Variants in KCNB2 observed in about 807,000 individuals in gnomAD.
KCNB2 encodes the protein delayed rectifier potassium channel protein.
KCNB2 carries 15 observed loss-of-function variants against 61.5 expected under a neutral mutation model. The observed-to-expected ratio is 0.24, with a 90% CI of 0.16 to 0.38. The LOEUF (loss-of-function observed/expected upper bound fraction) is 0.38, where lower values mean the gene tolerates loss of function less well. KCNB2 is among the 10% of genes least tolerant of loss of function. The pLI is 1.00. For missense variants in KCNB2, 828 were observed against 1,125.2 expected, an observed-to-expected ratio of 0.74 and a Z score of 3.78; for synonymous variants, 457 against 446.0, an observed-to-expected ratio of 1.02 and a Z score of -0.31.
In KCNB2 at chr8:72,884,458, T is replaced by C. The variant is rs1030677427; in HGVS notation, c.580-51477T>C. 3.9e-5 allele frequency among the ~76,000 whole-genome samples: 6 copies of C among 152,304 alleles called. No individual in the cohort carries two copies. The South Asian group carries it at 8.3e-4, about 21-fold the overall frequency. ...TGTTTTACAGAAGTTTTGATTTTAA[T>C]GGAGTCCAGTTTGTTAATACCTTGC... On this transcript the variant is annotated intron_variant, in intron 2 of 2. Coordinates refer to ENST00000523207, the MANE Select transcript of KCNB2 (RefSeq NM_004770.3).
chr8:72,843,906 T>C (rs1049735984), intron 2 of KCNB2, among the ~76,000 whole-genome samples: 2 of 152,216 alleles, frequency 1.3e-5, no homozygotes, highest in African/African-American at 2.4e-5. Flanking sequence ...CCAGTCTGTG[T>C]CTTTTAACTG....
intron 1 of KCNB2, among the ~76,000 whole-genome samples, chr8:72,557,547 A>G (rs1177732604): frequency 6.6e-6 from 1 of 152,230 alleles, no homozygotes; most frequent in Non-Finnish European, 1.5e-5. Flanking sequence ...TCACTTGTAC[A>G]ACATTTTAAA....
intron 2 of KCNB2, among the ~76,000 whole-genome samples, chr8:72,692,035 G>A (rs924067137): frequency 6.6e-6 from 1 of 151,984 alleles, no homozygotes; most frequent in African/African-American, 2.4e-5. Context: ...AGGAGATCGA[G>A]ACCATCCTGG....
chr8:72,561,778 G>GATATACATATAT (rs1806537102), intron 1 of KCNB2, among the ~76,000 whole-genome samples: 2 of 34,338 alleles, frequency 5.8e-5, no homozygotes, highest in African/African-American at 2.2e-4. Context: ...TATATATATG[G>GATATACATATAT]ATATATATAT....
At chr8:72,903,796 C>T (rs144428755) in intron 2 of KCNB2, among the ~76,000 whole-genome samples, 3 of 152,058 alleles carry the variant, frequency 2.0e-5, no homozygotes, top group African/African-American at 7.2e-5. Flanking sequence ...ATAACTTTCT[C>T]CTTCTACTTC....
intron 2 of KCNB2, among the ~76,000 whole-genome samples, chr8:72,731,246 A>G (rs977563538): frequency 6.6e-6 from 1 of 152,234 alleles, no homozygotes; most frequent in African/African-American, 2.4e-5. Context: ...GGCTACTCAC[A>G]TGTTTCACTT....
At chr8:72,630,874 G>A (rs2128984940) in intron 2 of KCNB2, among the ~76,000 whole-genome samples, 1 of 152,148 alleles carries the variant, frequency 6.6e-6, no homozygotes, top group Admixed American at 6.5e-5. Flanking sequence ...AACAAATAAA[G>A]GCATTTGTAT....
intron 2 of KCNB2, among the ~76,000 whole-genome samples, chr8:72,826,884 A>C (rs1299049191): frequency 6.6e-6 from 1 of 152,230 alleles, no homozygotes; most frequent in African/African-American, 2.4e-5. Flanking sequence ...TATGATGGCT[A>C]AATGTAAGCA....
At chr8:72,933,007 TG>T (rs1334491864) in intron 2 of KCNB2, among the ~76,000 whole-genome samples, 1 of 152,170 alleles carries the variant, frequency 6.6e-6, no homozygotes, top group African/African-American at 2.4e-5. Context: ...TGAGAGCAAA[TG>T]GGTTTTGACA....
At chr8:72,555,386 C>T (rs1177483947) in intron 1 of KCNB2, among the ~76,000 whole-genome samples, 1 of 151,570 alleles carries the variant, frequency 6.6e-6, no homozygotes, top group East Asian at 1.9e-4. Flanking sequence ...CTAAGAATAT[C>T]CCTACTTTCT....
intron 2 of KCNB2, among the ~76,000 whole-genome samples, chr8:72,783,043 ATCTAC>A (rs752836873): frequency 5.6e-4 from 85 of 152,176 alleles, no homozygotes; most frequent in Admixed American, 3.7e-3. Context: ...TGATGCTTCA[ATCTAC>A]TCTACATTAT....
intron 2 of KCNB2, among the ~76,000 whole-genome samples, chr8:72,780,059 C>A (rs1808728995): frequency 6.6e-6 from 1 of 152,110 alleles, no homozygotes; most frequent in Non-Finnish European, 1.5e-5. Flanking sequence ...AAATCAAAGC[C>A]TCTATGTCTA....
At chr8:72,913,667 G>C (rs1334214252) in intron 2 of KCNB2, among the ~76,000 whole-genome samples, 1 of 152,268 alleles carries the variant, frequency 6.6e-6, no homozygotes, top group East Asian at 1.9e-4. Context: ...AGGAGCCAAG[G>C]GGCTGATCAT....
chr8:72,555,245 A>G (rs1806405539), intron 1 of KCNB2, among the ~76,000 whole-genome samples: 1 of 151,800 alleles, frequency 6.6e-6, no homozygotes, highest in Non-Finnish European at 1.5e-5. Context: ...CACCATGCGA[A>G]TTAACTGCAA....
rs61540913 is a variant in KCNB2, at chr8:72,821,898, C to T, written c.580-114037C>T. 1.8e-3 allele frequency among the ~76,000 whole-genome samples: 269 copies of T among 152,190 alleles called. 2 individuals are homozygous for T. Among genetic ancestry groups the T allele is most frequent in the African/African-American group, 6.3e-3 (261 of 41,534 alleles). Reference sequence around the variant, plus strand: ...AAGTCATCCTTTCTTCCTGCCTCTCCCTTAGCCTACCACTCCCCACACACA... The same window carrying T: ...AAGTCATCCTTTCTTCCTGCCTCTCTCTTAGCCTACCACTCCCCACACACA... On this transcript the variant is annotated intron_variant, in intron 2 of 2. Transcript: ENST00000523207.
At chr8:72,570,259 G>A (rs1806688196) in intron 2 of KCNB2, among the ~76,000 whole-genome samples, 1 of 152,000 alleles carries the variant, frequency 6.6e-6, no homozygotes, top group Admixed American at 6.6e-5. Context: ...CAAAGACATT[G>A]GTTTTGGAAA....
chr8:72,776,200 A>G (rs1354370978), intron 2 of KCNB2, among the ~76,000 whole-genome samples: 1 of 144,058 alleles, frequency 6.9e-6, no homozygotes, highest in Non-Finnish European at 1.5e-5. Flanking sequence ...GAATTGAACA[A>G]TGAGAACACT....
chr8:72,634,708 T>G (rs2128985239), intron 2 of KCNB2, among the ~76,000 whole-genome samples: 1 of 152,292 alleles, frequency 6.6e-6, no homozygotes, highest in South Asian at 2.1e-4. Flanking sequence ...TCTAATCAAC[T>G]CAAACCTAAT....
chr8:72,639,838 G>A lies in KCNB2; in HGVS notation c.579+71525G>A, dbSNP rs563976889. Among the ~76,000 whole-genome samples the A allele has an allele frequency of 2.0e-5, 3 of 152,148 alleles. No homozygotes were observed. The East Asian group carries it at 5.8e-4, about 29-fold the overall frequency. ...GCTAATCTAATGGATAGCCAGGGTT[G>A]AGAGCTACTCACCTGGAATTTTCCT... On this transcript the variant is annotated intron_variant, in intron 2 of 2. Transcript: ENST00000523207.
Sources: allele counts gnomAD v4.1 joint callset (sites outside exome capture counted in the v4.1 genomes callset), GRCh38; gene constraint gnomAD v4.1.1; transcripts MANE v1.5; gene names NCBI Gene and HGNC (gene_info 2026-07-23, HGNC 2026-07-21).